The following MPP7 variants were observed in gnomAD, a reference collection of about 807,000 sequenced individuals.
MPP7 encodes MAGUK p55 subfamily member 7.
Under a neutral mutation model 76.5 loss-of-function variants are expected in MPP7, and 60 were observed. The ratio of observed to expected loss-of-function variants is 0.78; its 90% confidence interval spans 0.64 to 0.97. MPP7 has a LOEUF of 0.97. MPP7 is among the 50% of genes least tolerant of loss of function. The probability of loss-of-function intolerance (pLI) is 0.00; values close to 1 mark genes in which losing one functional copy is unlikely to be tolerated. For missense variants in MPP7, 641 were observed against 694.0 expected (o/e 0.92, Z 0.86); for synonymous variants, 237 against 244.5 (o/e 0.97, Z 0.29).
intron 11 of MPP7, among the ~76,000 whole-genome samples, chr10:28,092,934 A>T (rs934373153): frequency 1.3e-5 from 2 of 151,858 alleles, no homozygotes; most frequent in Admixed American, 1.3e-4. Flanking sequence ...GGTCTTTACA[A>T]CTACCCCTTG....
chr10:28,333,475 A>G (rs943373227), intron 1 of MPP7, among the ~76,000 whole-genome samples: 4 of 152,194 alleles, frequency 2.6e-5, no homozygotes, highest in African/African-American at 7.2e-5. Flanking sequence ...CTGCAATTAT[A>G]CTATCCTGTT....
At chr10:28,218,771 C>T (rs986230485) in intron 2 of MPP7, among the ~76,000 whole-genome samples, 3 of 152,018 alleles carry the variant, frequency 2.0e-5, no homozygotes, top group Non-Finnish European at 4.4e-5. Flanking sequence ...AATTTAAAAA[C>T]ACCAGAATTT....
chr10:28,095,955 A>C (rs1462203152), intron 11 of MPP7, among the ~76,000 whole-genome samples: 1 of 152,232 alleles, frequency 6.6e-6, no homozygotes, highest in Non-Finnish European at 1.5e-5. Context: ...TTATTACAAT[A>C]GGAAAGTGAC....
At chr10:28,234,275 C>A (rs1254150194) in intron 2 of MPP7, among the ~76,000 whole-genome samples, 1 of 152,058 alleles carries the variant, frequency 6.6e-6, no homozygotes, top group South Asian at 2.1e-4. Flanking sequence ...ACAATTTGAG[C>A]AACAAAATAA....
intron 3 of MPP7, among the ~76,000 whole-genome samples, chr10:28,190,695 A>G (rs535009508): frequency 6.6e-6 from 1 of 152,300 alleles, no homozygotes; most frequent in African/African-American, 2.4e-5. Context: ...GAAAGAATAC[A>G]TTCAAAAGAA....
chr10:28,219,043 G>A (rs1838407801), intron 2 of MPP7, among the ~76,000 whole-genome samples: 1 of 152,036 alleles, frequency 6.6e-6, no homozygotes, highest in Non-Finnish European at 1.5e-5. Context: ...GAAAATACAA[G>A]GAAAATGATG....
intron 2 of MPP7, among the ~76,000 whole-genome samples, chr10:28,224,051 C>G (rs997999234): frequency 6.6e-6 from 1 of 151,430 alleles, no homozygotes; most frequent in African/African-American, 2.4e-5. Flanking sequence ...CAAAAATTAG[C>G]GTACACGCCT....
At chr10:28,122,392 ATT>A (rs1456467090) in intron 8 of MPP7, among the ~76,000 whole-genome samples, 1 of 152,186 alleles carries the variant, frequency 6.6e-6, no homozygotes, top group Non-Finnish European at 1.5e-5. Context: ...TTTTTGAAAA[ATT>A]TTGTTTATAC....
intron 2 of MPP7, among the ~76,000 whole-genome samples, chr10:28,224,063 T>A (rs967248192): frequency 2.0e-5 from 3 of 151,694 alleles, no homozygotes; most frequent in African/African-American, 7.3e-5. Context: ...TACACGCCTA[T>A]AATCCCAGCT....
intron 2 of MPP7, among the ~76,000 whole-genome samples, chr10:28,208,679 T>TA (rs2134009729): frequency 6.6e-6 from 1 of 152,256 alleles, no homozygotes; most frequent in South Asian, 2.1e-4. Context: ...TGACAAAACT[T>TA]AACGTCAGGC....
chr10:28,146,382 G>A (rs1835703493), intron 5 of MPP7, among the ~76,000 whole-genome samples: 1 of 148,856 alleles, frequency 6.7e-6, no homozygotes, highest in Admixed American at 6.8e-5. Flanking sequence ...TATAGTCCAC[G>A]CATGTTTTTT....
chr10:28,258,243 GAAGAC>G (rs1182502205), intron 1 of MPP7, among the ~76,000 whole-genome samples: 1 of 140,554 alleles, frequency 7.1e-6, no homozygotes, highest in Non-Finnish European at 1.5e-5. Context: ...AGACCACCAA[GAAGAC>G]AAGAAAGGTT....
intron 3 of MPP7, among the ~76,000 whole-genome samples, chr10:28,193,209 T>C (rs1007272523): frequency 2.2e-5 from 3 of 137,886 alleles, no homozygotes; most frequent in African/African-American, 9.4e-5. Context: ...GTTTGGTTGG[T>C]TTTTTGTTTT....
chr10:28,173,660 A>T (rs1433370828), intron 3 of MPP7, among the ~76,000 whole-genome samples: 1 of 152,202 alleles, frequency 6.6e-6, no homozygotes, highest in East Asian at 1.9e-4. Flanking sequence ...ATTCCTTTGT[A>T]GCAACACAAA....
At chr10:28,295,322 C>T (rs1841013330) in intron 1 of MPP7, among the ~76,000 whole-genome samples, 1 of 152,004 alleles carries the variant, frequency 6.6e-6, no homozygotes, top group Non-Finnish European at 1.5e-5. Context: ...GACAAAATGC[C>T]TAATCTCTAT....
chr10:28,121,578 T>A (rs1834841653), intron 8 of MPP7, among the ~76,000 whole-genome samples: 2 of 152,180 alleles, frequency 1.3e-5, no homozygotes, highest in African/African-American at 2.4e-5. Context: ...GATTTCTCTT[T>A]AAATATAGTC....
chr10:28,133,143 AT>A (rs1361555632), intron 5 of MPP7, among the ~76,000 whole-genome samples: 2 of 152,134 alleles, frequency 1.3e-5, no homozygotes, highest in Non-Finnish European at 2.9e-5. Flanking sequence ...GGATGCCATC[AT>A]TTTTTGCCTG....
At chr10:28,182,299 T>G (rs1837085068) in intron 3 of MPP7, among the ~76,000 whole-genome samples, 1 of 152,230 alleles carries the variant, frequency 6.6e-6, no homozygotes, top group Non-Finnish European at 1.5e-5. Context: ...TATTTCAAAT[T>G]GATCCTGTTG....
chr10:28,237,759 C>G (rs920910327), intron 2 of MPP7, among the ~76,000 whole-genome samples: 1 of 152,144 alleles, frequency 6.6e-6, no homozygotes. Context: ...CACTATGTTA[C>G]CACTTCTTTC....
Sources: allele counts gnomAD v4.1 joint callset (sites outside exome capture counted in the v4.1 genomes callset), GRCh38; gene constraint gnomAD v4.1.1; transcripts MANE v1.5; gene names NCBI Gene and HGNC (gene_info 2026-07-23, HGNC 2026-07-21).